Variants in TMEM108 observed in about 807,000 individuals in gnomAD.
TMEM108 encodes cancer/testis antigen 124.
A neutral mutation model predicts 35.1 loss-of-function variants in TMEM108; 12 were observed. The observed-to-expected ratio is 0.34, with a 90% CI of 0.22 to 0.55. The LOEUF is 0.55. Ranked by LOEUF, TMEM108 falls within the 20% of genes least tolerant of loss-of-function variation. TMEM108 has a pLI of 0.89. For missense variants in TMEM108, 680 were observed against 753.3 expected (o/e 0.90, Z 1.14); for synonymous variants, 287 against 308.6 (o/e 0.93, Z 0.73).
chr3:133,336,845 G>A (rs187550831), intron 3 of TMEM108, among the ~76,000 whole-genome samples: 1 of 152,174 alleles, frequency 6.6e-6, no homozygotes, highest in East Asian at 1.9e-4. Context: ...CCCAGGCCAG[G>A]CAGCATTCAC....
chr3:133,132,925 A>G (rs1475564220), intron 2 of TMEM108, among the ~76,000 whole-genome samples: 1 of 152,180 alleles, frequency 6.6e-6, no homozygotes, highest in African/African-American at 2.4e-5. Context: ...TCAGTGGAGG[A>G]AGTCACTGCG....
rs2073174997 is a variant in TMEM108 at position 133,387,787 on chromosome 3, C to T, written c.1451-2393C>T. The T allele has an allele frequency of 3.1e-6, 3 of 955,866 alleles. No individual in the cohort carries two copies. In the African/African-American group the frequency reaches 5.3e-5, roughly 17 times the overall value. The allele number at this position is 955,866 out of a possible 1,614,324, so 59.2% of individuals were successfully genotyped here. A position where few individuals can be genotyped will look rare whatever the true frequency, so the allele number is the denominator to read the frequency against. On this transcript the variant is annotated intron_variant, in intron 4 of 5. Coordinates refer to ENST00000321871, the MANE Select transcript of TMEM108 (RefSeq NM_023943.4). Reference sequence around the variant, plus strand: ...GCTGAGAGAGGTTAAGTAACTTACTCAAGTCATGCAAGTAATAGATTGTCA... The same window carrying T: ...GCTGAGAGAGGTTAAGTAACTTACTTAAGTCATGCAAGTAATAGATTGTCA...
intron 2 of TMEM108, among the ~76,000 whole-genome samples, chr3:133,181,008 T>TAAAAAAAAAAAAAAAAAAAAAAAAAAA (rs369228472): frequency 6.6e-5 from 5 of 75,854 alleles, no homozygotes; most frequent in Admixed American, 3.0e-4. Flanking sequence ...GCAGTTGTGT[T>TAAAAAAAAAAAAAAAAAAAAAAAAAAA]AAAAAAAAAA....
chr3:133,302,107 T>C (rs1306799499), intron 3 of TMEM108, among the ~76,000 whole-genome samples: 2 of 152,226 alleles, frequency 1.3e-5, no homozygotes, highest in Non-Finnish European at 2.9e-5. Context: ...CTTGCCACTA[T>C]CATTGTCTAA....
chr3:133,074,176 C>T (rs1943712628), intron 2 of TMEM108: 1 of 152,038 alleles, frequency 6.6e-6, no homozygotes, highest in African/African-American at 2.4e-5. Context: ...AATCCTATTT[C>T]TTGGTACATG....
intron 3 of TMEM108, among the ~76,000 whole-genome samples, chr3:133,269,344 GGA>G (rs1271039368): frequency 2.0e-5 from 3 of 152,126 alleles, no homozygotes; most frequent in African/African-American, 4.8e-5. Context: ...GATGGAGGAG[GGA>G]GAGTTTCCTC....
At chr3:133,378,803 CTTTTTT>C (rs34139600) in intron 3 of TMEM108, among the ~76,000 whole-genome samples, 2 of 134,422 alleles carry the variant, frequency 1.5e-5, no homozygotes, top group East Asian at 2.2e-4. Flanking sequence ...ATACAAAATC[CTTTTTT>C]TTTTTTTTTT....
intron 2 of TMEM108, among the ~76,000 whole-genome samples, chr3:133,220,017 A>G (rs1945965456): frequency 6.7e-6 from 1 of 149,966 alleles, no homozygotes; most frequent in Non-Finnish European, 1.5e-5. Context: ...TGTATTTATA[A>G]TTGTTATATC....
At chr3:133,179,644 T>C (rs1270311021) in intron 2 of TMEM108, among the ~76,000 whole-genome samples, 1 of 138,610 alleles carries the variant, frequency 7.2e-6, no homozygotes, top group Non-Finnish European at 1.6e-5. Context: ...CATCACACAC[T>C]GGGGCCTGTT....
chr3:133,122,112 C>G (rs1944360077), intron 2 of TMEM108, among the ~76,000 whole-genome samples: 1 of 151,978 alleles, frequency 6.6e-6, no homozygotes, highest in African/African-American at 2.4e-5. Flanking sequence ...ATGTACGGTG[C>G]TTCTGGGGCT....
At chr3:133,136,658 C>T (rs1350227672) in intron 2 of TMEM108, among the ~76,000 whole-genome samples, 1 of 152,214 alleles carries the variant, frequency 6.6e-6, no homozygotes, top group African/African-American at 2.4e-5. Flanking sequence ...AGGGCATCAC[C>T]TTTTACCTGG....
intron 3 of TMEM108, among the ~76,000 whole-genome samples, chr3:133,368,942 A>T (rs2072576314): frequency 6.6e-6 from 1 of 152,186 alleles, no homozygotes; most frequent in African/African-American, 2.4e-5. Context: ...CACCTATTTA[A>T]TGTGAGGCAC....
intron 2 of TMEM108, among the ~76,000 whole-genome samples, chr3:133,177,359 C>A (rs1251911659): frequency 6.6e-6 from 1 of 151,900 alleles, no homozygotes; most frequent in Non-Finnish European, 1.5e-5. Flanking sequence ...AGAGACACAA[C>A]AAAAAAAGAG....
intron 1 of TMEM108, among the ~76,000 whole-genome samples, chr3:133,042,757 G>C (rs192844390): frequency 3.3e-5 from 5 of 152,274 alleles, no homozygotes; most frequent in African/African-American, 1.2e-4. Context: ...TCTTGACCAA[G>C]GTAACAGAGC....
At chr3:133,165,177 G>C (rs1051653004) in intron 2 of TMEM108, among the ~76,000 whole-genome samples, 3 of 152,146 alleles carry the variant, frequency 2.0e-5, no homozygotes, top group Admixed American at 1.3e-4. Flanking sequence ...TCACTCTTCA[G>C]GCTCAAAAGA....
chr3:133,291,525 A>G (rs1947068639), intron 3 of TMEM108, among the ~76,000 whole-genome samples: 1 of 151,676 alleles, frequency 6.6e-6, no homozygotes, highest in South Asian at 2.1e-4. Flanking sequence ...TGATCCTCCC[A>G]CCTGGGGCTC....
chr3:133,132,930 A>C (rs1260303363), intron 2 of TMEM108, among the ~76,000 whole-genome samples: 1 of 152,230 alleles, frequency 6.6e-6, no homozygotes, highest in African/African-American at 2.4e-5. Flanking sequence ...GGAGGAAGTC[A>C]CTGCGGATGT....
chr3:133,304,791 A>T (rs1022048242), intron 3 of TMEM108, among the ~76,000 whole-genome samples: 3 of 152,152 alleles, frequency 2.0e-5, no homozygotes, highest in Non-Finnish European at 4.4e-5. Context: ...TCTGTTAACA[A>T]TAATGTTAGG....
At chr3:133,365,351 A>G (rs1017533122) in intron 3 of TMEM108, among the ~76,000 whole-genome samples, 7 of 152,194 alleles carry the variant, frequency 4.6e-5, no homozygotes, top group Non-Finnish European at 8.8e-5. Flanking sequence ...AAAGCTAGTG[A>G]GTAGATTTAT....
Sources: gnomAD v4.1 joint callset for allele counts (sites outside exome capture counted in the v4.1 genomes callset) on GRCh38, gnomAD v4.1.1 for gene constraint, MANE v1.5 for transcripts, NCBI Gene and HGNC (gene_info 2026-07-23, HGNC 2026-07-21) for gene names.